DACH1: variants seen among roughly 807,000 people sequenced by gnomAD.
The protein encoded by DACH1 is dachshund family transcription factor 1, also known as dachshund homolog 1.
DACH1 carries 12 observed loss-of-function variants against 54.2 expected under a neutral mutation model. The observed-to-expected ratio is 0.22, with a 90% CI of 0.14 to 0.36. DACH1 has a LOEUF of 0.36. Ranked by LOEUF, DACH1 falls within the 10% of genes least tolerant of loss-of-function variation. The pLI, the probability that DACH1 is intolerant of heterozygous loss-of-function variation, is 1.00. For missense variants in DACH1, 805 were observed against 929.8 expected (o/e 0.87, Z 1.75); for synonymous variants, 386 against 366.2 (o/e 1.05, Z -0.62).
intron 1 of DACH1, among the ~76,000 whole-genome samples, chr13:71,817,976 C>A (rs577214701): frequency 7.8e-4 from 119 of 151,672 alleles, no homozygotes; most frequent in African/African-American, 2.8e-3. Flanking sequence ...CATGATGCCC[C>A]ACTAATTTTG....
chr13:71,448,246 TATCAC>T (rs1874647197), intron 10 of DACH1, among the ~76,000 whole-genome samples: 2 of 152,178 alleles, frequency 1.3e-5, no homozygotes, highest in Admixed American at 1.3e-4. Flanking sequence ...AGGGCAAACA[TATCAC>T]ATCACATGTC....
intron 3 of DACH1, among the ~76,000 whole-genome samples, chr13:71,586,334 T>A (rs907880071): frequency 1.3e-5 from 2 of 152,126 alleles, no homozygotes; most frequent in East Asian, 3.9e-4. Context: ...GATTAAATAG[T>A]AAGGTTTATG....
At chr13:71,861,958 C>A (rs1391574602) in intron 1 of DACH1, among the ~76,000 whole-genome samples, 1 of 146,730 alleles carries the variant, frequency 6.8e-6, no homozygotes, top group Non-Finnish European at 1.5e-5. Context: ...ATGTTTTGTA[C>A]TTCTTACACT....
At chr13:71,723,690 T>C (rs1334666383) in intron 1 of DACH1, among the ~76,000 whole-genome samples, 1 of 152,138 alleles carries the variant, frequency 6.6e-6, no homozygotes, top group Non-Finnish European at 1.5e-5. Flanking sequence ...CTTTTTTGTT[T>C]TGTTTTGTTT....
chr13:71,793,112 A>C (rs1348165279), intron 1 of DACH1, among the ~76,000 whole-genome samples: 1 of 152,204 alleles, frequency 6.6e-6, no homozygotes, highest in Admixed American at 6.5e-5. Context: ...AATAATGACA[A>C]TCATAACAAA....
chr13:71,661,756 G>T (rs1879503855), intron 2 of DACH1, among the ~76,000 whole-genome samples: 1 of 151,790 alleles, frequency 6.6e-6, no homozygotes, highest in South Asian at 2.1e-4. Flanking sequence ...CAACACACCT[G>T]GGAGAGAGTA....
intron 1 of DACH1, among the ~76,000 whole-genome samples, chr13:71,764,681 G>A (rs1273150953): frequency 6.6e-6 from 1 of 152,116 alleles, no homozygotes; most frequent in Non-Finnish European, 1.5e-5. Context: ...TGTGCTCAAA[G>A]TACATGCTCA....
rs546719706 is a variant in DACH1 at position 71,559,928 on chromosome 13, C to A, written c.1327G>T (p.Ala443Ser). 25 of 1,599,922 alleles carry A rather than the reference C, an allele frequency of 1.6e-5. No individual in the cohort carries two copies. The African/African-American group carries it at 2.7e-4, about 17-fold the overall frequency. ...KERVPDSPSP[A>S]PSLEEGRRPG... ...CTTCTCCCCTCCTCCAGAGAGGGGG[C>A]AGGTGAGGGGCTATCAGGAACACGC... Residue 443 changes from alanine (A) to serine (S), a missense_variant, in exon 5 of 11, where the codon GCC becomes TCC. Ala to Ser is a moderately conservative substitution (Grantham distance 99). Coordinates refer to ENST00000613252, the MANE Select transcript of DACH1 (RefSeq NM_080759.6).
At chr13:71,661,101 T>C (rs1032912407) in intron 2 of DACH1, among the ~76,000 whole-genome samples, 1 of 151,020 alleles carries the variant, frequency 6.6e-6, no homozygotes, top group Non-Finnish European at 1.5e-5. Context: ...ATTTTCCATG[T>C]TGTTTATTAC....
chr13:71,817,999 G>T (rs559464515), intron 1 of DACH1, among the ~76,000 whole-genome samples: 1 of 151,758 alleles, frequency 6.6e-6, no homozygotes, highest in Non-Finnish European at 1.5e-5. Flanking sequence ...TTTTTGTAGA[G>T]ATGGGGTTTC....
intron 3 of DACH1, among the ~76,000 whole-genome samples, chr13:71,597,598 G>A (rs1486370539): frequency 6.6e-6 from 1 of 152,106 alleles, no homozygotes; most frequent in African/African-American, 2.4e-5. Flanking sequence ...CCCTGGGGTT[G>A]TCTCCAGACT....
intron 1 of DACH1, among the ~76,000 whole-genome samples, chr13:71,730,874 TC>T (rs1365662724): frequency 6.6e-6 from 1 of 152,144 alleles, no homozygotes; most frequent in Non-Finnish European, 1.5e-5. Context: ...TTTAAGCAAT[TC>T]TAAGGGCTAC....
At chr13:71,662,629 G>A (rs966504603) in intron 2 of DACH1, among the ~76,000 whole-genome samples, 8 of 151,940 alleles carry the variant, frequency 5.3e-5, no homozygotes, top group African/African-American at 1.9e-4. Flanking sequence ...TCATTAATCA[G>A]TCAGTGATTG....
At chr13:71,680,358 T>C (rs2138699143) in intron 2 of DACH1, among the ~76,000 whole-genome samples, 1 of 152,280 alleles carries the variant, frequency 6.6e-6, no homozygotes, top group Non-Finnish European at 1.5e-5. Flanking sequence ...TCCAGGAACT[T>C]TGGAAGGCCA....
intron 1 of DACH1, among the ~76,000 whole-genome samples, chr13:71,708,924 C>T (rs1178258419): frequency 2.1e-5 from 3 of 144,032 alleles, no homozygotes; most frequent in Non-Finnish European, 4.5e-5. Context: ...GCGATCTCGG[C>T]TCACTGCAAG....
chr13:71,529,636 A>G (rs1882280116), intron 6 of DACH1, among the ~76,000 whole-genome samples: 1 of 152,184 alleles, frequency 6.6e-6, no homozygotes, highest in Non-Finnish European at 1.5e-5. Context: ...AAGATTTCAG[A>G]TAACTTTTTC....
chr13:71,457,255 A>G (rs758537530), intron 10 of DACH1, among the ~76,000 whole-genome samples: 13 of 152,034 alleles, frequency 8.6e-5, no homozygotes, highest in Admixed American at 4.6e-4. Flanking sequence ...ACTGGTATCC[A>G]ACATATTGCC....
At chr13:71,592,428 G>A (rs1415850732) in intron 3 of DACH1, among the ~76,000 whole-genome samples, 3 of 144,926 alleles carry the variant, frequency 2.1e-5, no homozygotes, top group East Asian at 2.1e-4. Flanking sequence ...CCAGGAGGTC[G>A]AGGTTGCATT....
At chr13:71,770,490 C>T (rs535956659) in intron 1 of DACH1, among the ~76,000 whole-genome samples, 164 of 151,642 alleles carry the variant, frequency 1.1e-3, no homozygotes, top group African/African-American at 3.8e-3. Context: ...TATTCACATG[C>T]CCCGTAATCC....
Sources: gnomAD v4.1 joint callset for allele counts (sites outside exome capture counted in the v4.1 genomes callset) on GRCh38, gnomAD v4.1.1 for gene constraint, MANE v1.5 for transcripts, NCBI Gene and HGNC (gene_info 2026-07-23, HGNC 2026-07-21) for gene names.